Variants in ERAP2 observed in about 807,000 individuals in gnomAD.
ERAP2 encodes leukocyte-derived arginine aminopeptidase.
In ERAP2, 118 loss-of-function variants were observed where a neutral mutation model predicts 111.1. That is an observed-to-expected ratio of 1.06 (90% CI 0.92 to 1.24). The LOEUF (loss-of-function observed/expected upper bound fraction) is 1.24. Among genes scored for constraint, ERAP2 ranks in the 50% most tolerant of loss-of-function variants. The pLI is 0.00. For synonymous variants in ERAP2, 410 were observed against 401.2 expected (o/e 1.02, Z -0.26); for missense variants, 1,131 against 1,125.8 (o/e 1.00, Z -0.07).
intron 2 of ERAP2, 26 bp from the exon 3 acceptor site, chr5:96,883,766 T>C (rs770813759): frequency 6.3e-7 from 1 of 1,597,564 alleles, no homozygotes; most frequent in South Asian, 1.1e-5. Context: ...CTTGTGCATT[T>C]TGGCTGGGGG....
chr5:96,880,954 G>C (rs1034823439), intron 2 of ERAP2: 2 of 158,408 alleles, frequency 1.3e-5, no homozygotes, highest in African/African-American at 4.8e-5. Context: ...ACTGGGCAGG[G>C]AAGTGTTTGT....
intron 9 of ERAP2, among the ~76,000 whole-genome samples, chr5:96,897,267 T>A (rs1057162551): frequency 8.5e-5 from 13 of 152,218 alleles, no homozygotes; most frequent in Non-Finnish European, 1.8e-4. Context: ...TAAGAAGAAA[T>A]CTTGCTCAAT....
In ERAP2 at chr5:96,896,470, T is replaced by C. The variant is rs1784867022; in HGVS notation, c.1337T>C (p.Ile446Thr). The part of the protein sequence containing the change: ...ISKPAETPTQ[I>T]QEMFDEVSYN... ...AAACCAGCGGAAACCCCGACTCAAA[T>C]ACAGGAAATGTTTGATGAAGTTTCC... Residue 446 changes from isoleucine (I) to threonine (T), a missense_variant, in exon 8 of 19, where the codon ATA (isoleucine) becomes ACA (threonine). By Grantham distance (89) the Ile-to-Thr change is moderately conservative. This residue lies in a region of ERAP2 where 847 missense variants were observed against 856.5 expected (regional missense o/e 0.99). Transcript: ENST00000437043. The C allele has an allele frequency of 1.3e-5, 21 of 1,613,418 alleles. No individual in the cohort carries two copies. The highest frequency in any genetic ancestry group is 2.7e-5 in the African/African-American group (2 of 74,894).
In ERAP2 at chr5:96,911,818, G is replaced by T. The variant is rs561093171; in HGVS notation, c.2355-819G>T. Among the ~76,000 whole-genome samples, 29 of 138,862 alleles carry T rather than the reference G, an allele frequency of 2.1e-4. No homozygotes were observed. The South Asian group carries it at 6.8e-3, about 32-fold the overall frequency. The allele number at this position is 138,862 out of a possible 152,430, so 91.1% of individuals were successfully genotyped here. A position where few individuals can be genotyped will look rare whatever the true frequency, so the allele number is the denominator to read the frequency against. ...GGAGGCTGAGGCTACAGTGAGCCAT[G>T]ATCACGCCACTGCACTCCAACCTGA... is the stretch of plus-strand genomic sequence containing the variant. On this transcript the variant is annotated intron_variant, in intron 15 of 18. Transcript: ENST00000437043.
In ERAP2 at chr5:96,904,043, T is replaced by A. The variant is rs532773594; in HGVS notation, c.2012+483T>A. ...TGCTACACCAAATACCGGTGTAATC[T>A]CTTAAGGAAAAGTACAAATATAGTC... On this transcript the variant is annotated intron_variant, in intron 13 of 18. Coordinates refer to ENST00000437043, the MANE Select transcript of ERAP2 (RefSeq NM_022350.5). Among the ~76,000 whole-genome samples, 25 of 152,364 alleles carry A rather than the reference T, an allele frequency of 1.6e-4. No individual in the cohort carries two copies. In the East Asian group the frequency reaches 4.6e-3, roughly 28 times the overall value.
intron 9 of ERAP2, among the ~76,000 whole-genome samples, chr5:96,899,534 C>G (rs1218407814): frequency 6.6e-6 from 1 of 152,172 alleles, no homozygotes; most frequent in African/African-American, 2.4e-5. Context: ...TTCTCATTTG[C>G]AGTTGCCCTT....
chr5:96,913,538 C>A (rs371873561), intron 17 of ERAP2, 81 bp downstream of exon 17: 1 of 1,483,792 alleles, frequency 6.7e-7, no homozygotes, highest in East Asian at 2.3e-5. Flanking sequence ...TCAAATGTTT[C>A]TCAAAGCATA....
At chr5:96,887,100 T>TATATATATAC (rs1478213165) in intron 4 of ERAP2, among the ~76,000 whole-genome samples, 75 of 137,430 alleles carry the variant, frequency 5.5e-4, no homozygotes, top group Admixed American at 1.3e-3. Context: ...TATATATATA[T>TATATATATAC]ACACACACAC....
chr5:96,881,109 A>G (rs1301211843), intron 2 of ERAP2: 1 of 262,586 alleles, frequency 3.8e-6, no homozygotes, highest in Non-Finnish European at 7.6e-6. Context: ...GAAAGGGATC[A>G]GATCATGTGG....
chr5:96,917,345 T>C (rs1787530506), intron 18 of ERAP2, 117 bp from the exon 19 acceptor site: 1 of 832,050 alleles, frequency 1.2e-6, no homozygotes, highest in Non-Finnish European at 1.9e-6. Context: ...CGTATTGAAC[T>C]CCTGAGCTCA....
rs1172792964 is a variant in ERAP2, at chr5:96,896,488, A to T, written c.1355A>T (p.Glu452Val). 2 of 1,613,254 alleles carry T rather than the reference A, an allele frequency of 1.2e-6. No individual in the cohort carries two copies. The highest frequency in any genetic ancestry group is 1.7e-6 in the Non-Finnish European group (2 of 1,179,620). Residue 452 changes from glutamate (E) to valine (V), a missense_variant, in exon 8 of 19, where the codon GAA (glutamate) becomes GTA (valine). Around this residue, in one of 3 missense-constraint regions of ERAP2, gnomAD observed 847 missense variants for 856.5 expected, o/e 0.99. Coordinates refer to ENST00000437043, the MANE Select transcript of ERAP2 (RefSeq NM_022350.5). Reference protein sequence around the residue: ...TPTQIQEMFDEVSYNKGACIL... With the variant: ...TPTQIQEMFDVVSYNKGACIL... ...ACTCAAATACAGGAAATGTTTGATGAAGTTTCCTATAACAAGGTAGTAAAT... is the reference window on the plus strand; with the variant it reads ...ACTCAAATACAGGAAATGTTTGATGTAGTTTCCTATAACAAGGTAGTAAAT...
At chr5:96,891,502 TA>T (rs1784368084) in intron 5 of ERAP2, among the ~76,000 whole-genome samples, 1 of 26,310 alleles carries the variant, frequency 3.8e-5, no homozygotes. Flanking sequence ...TGTGTGTGTA[TA>T]TATATATATA....
chr5:96,889,044 C>G lies in ERAP2; in HGVS notation c.850-141C>G, dbSNP rs952533989. On this transcript the variant is annotated intron_variant, in intron 4 of 18. Transcript: ENST00000437043. ...TTTAATACTTCACAGAACCTCTTAT[C>G]CTTATTGACAACATGCTTAATGGTA... 1.8e-5 allele frequency: 18 copies of G among 987,040 alleles called. No homozygotes were observed. The African/African-American group carries it at 2.8e-4, about 15-fold the overall frequency. 61.1% of individuals were successfully genotyped at this position (987,040 alleles called of 1,614,324 possible).
In ERAP2 at chr5:96,917,761, C is replaced by T; in HGVS notation, c.*156C>T. ...CTCCGCTAAAAATACAAAAAATTAGCCGGGCATGGTGGCAGGTGCCTGTAG... is the reference window on the plus strand; with the variant it reads ...CTCCGCTAAAAATACAAAAAATTAGTCGGGCATGGTGGCAGGTGCCTGTAG... On this transcript the variant is annotated 3_prime_UTR_variant, in exon 19 of 19. Coordinates refer to ENST00000437043, the MANE Select transcript of ERAP2 (RefSeq NM_022350.5). 1 of 473,210 alleles carries T rather than the reference C, an allele frequency of 2.1e-6. No individual in the cohort carries two copies. 29.3% of individuals were successfully genotyped at this position (473,210 alleles called of 1,614,324 possible).
At chr5:96,891,517 GCCCATAT>G (rs1784378296) in intron 5 of ERAP2, among the ~76,000 whole-genome samples, 1 of 136,858 alleles carries the variant, frequency 7.3e-6, no homozygotes, top group African/African-American at 2.8e-5. Context: ...ATATATATAT[GCCCATAT>G]ACGGTATATA....
At position 96,917,917 on chromosome 5, in the gene ERAP2, AAAAAAAAAAAAG is replaced by A. The variant is rs1787614567; in HGVS notation, c.*318_*329del. On this transcript the variant is annotated 3_prime_UTR_variant, in exon 19 of 19. Transcript: ENST00000437043. ...CGAGACTCTGTCTCAAAAAAAAAAAAAAAAAAAAAAAGAAAAAGAAAAAGAAAAGAAAAGAAA... is the reference window on the plus strand; with the variant it reads ...CGAGACTCTGTCTCAAAAAAAAAAAAAAAAAGAAAAAGAAAAGAAAAGAAA... The A allele has an allele frequency of 6.2e-6, 1 of 160,208 alleles. No individual in the cohort carries two copies. The highest frequency in any genetic ancestry group is 2.4e-5 in the African/African-American group (1 of 41,146). The allele number at this position is 160,208 out of a possible 1,614,324, so 9.9% of individuals were successfully genotyped here.
intron 1 of ERAP2, among the ~76,000 whole-genome samples, chr5:96,877,044 G>T (rs989164276): frequency 1.3e-5 from 2 of 152,092 alleles, no homozygotes; most frequent in African/African-American, 4.8e-5. Flanking sequence ...GCACGATCTC[G>T]GCTCACTGCA....
chr5:96,903,566 G>A lies in ERAP2; in HGVS notation c.2012+6G>A. ...GATGTGTTTCAGCTAGTTGGGTAAG[G>A]CAACATTTCCTCTGACTTCATGCAA... On this transcript the variant is annotated splice_donor_region_variant and intron_variant, in intron 13 of 18. Coordinates refer to ENST00000437043, the MANE Select transcript of ERAP2 (RefSeq NM_022350.5). 1 of 1,585,762 alleles carries A rather than the reference G, an allele frequency of 6.3e-7. No individual in the cohort carries two copies. Among genetic ancestry groups the A allele is most frequent in the Non-Finnish European group, 8.6e-7 (1 of 1,167,634 alleles).
chr5:96,910,607 G>C (rs553369169), intron 15 of ERAP2, among the ~76,000 whole-genome samples: 181 of 152,232 alleles, frequency 1.2e-3, no homozygotes, highest in African/African-American at 4.2e-3. Context: ...CTAGTTACAA[G>C]AAAGATAATC....
Sources: gnomAD v4.1 joint callset for allele counts (sites outside exome capture counted in the v4.1 genomes callset) on GRCh38, gnomAD v4.1.1 for gene constraint, gnomAD v4.1.1 regional missense constraint, MANE v1.5 for transcripts, NCBI Gene and HGNC (gene_info 2026-07-23, HGNC 2026-07-21) for gene names.